Variants in HNRNPC observed in about 807,000 individuals in gnomAD.
HNRNPC encodes heterogeneous nuclear ribonucleoproteins C1/C2.
A neutral mutation model predicts 33.2 loss-of-function variants in HNRNPC; 3 were observed. The ratio of observed to expected loss-of-function variants is 0.09; its 90% CI spans 0.04 to 0.23. The LOEUF (loss-of-function observed/expected upper bound fraction) is 0.23. HNRNPC is among the 10% of genes least tolerant of loss of function. HNRNPC has a pLI of 1.00. For missense variants in HNRNPC, 143 were observed against 366.7 expected (o/e 0.39, Z 4.98); for synonymous variants, 121 against 126.7 (o/e 0.96, Z 0.30).
chr14:21,243,052 G>A (rs1486244237), intron 2 of HNRNPC, among the ~76,000 whole-genome samples: 1 of 152,130 alleles, frequency 6.6e-6, no homozygotes, highest in African/African-American at 2.4e-5. Context: ...TTGAACCCTA[G>A]AAGTGGAGGC....
In HNRNPC at chr14:21,210,685, T is replaced by C. The variant is rs1437136904; in HGVS notation, c.*538A>G. On this transcript the variant is annotated 3_prime_UTR_variant, in exon 9 of 9. Transcript: ENST00000553300. Reference sequence around the variant, plus strand: ...AATCTTAAGACTATAACACTAATTATTTTTCTAGAGGATGCATTTGACATG... The same window carrying C: ...AATCTTAAGACTATAACACTAATTACTTTTCTAGAGGATGCATTTGACATG... The C allele has an allele frequency of 2.6e-5, 4 of 152,718 alleles. No individual in the cohort carries two copies. Among genetic ancestry groups the C allele is most frequent in the Non-Finnish European group, 5.9e-5 (4 of 68,210 alleles). The allele number at this position is 152,718 out of a possible 1,614,324, so 9.5% of individuals were successfully genotyped here. A position where few individuals can be genotyped will look rare whatever the true frequency, so the allele number is the denominator to read the frequency against.
At chr14:21,248,050 C>A (rs1235733206) in intron 2 of HNRNPC, among the ~76,000 whole-genome samples, 1 of 151,814 alleles carries the variant, frequency 6.6e-6, no homozygotes, top group Non-Finnish European at 1.5e-5. Context: ...TATGACCGAA[C>A]CTTAAAATGA....
At chr14:21,217,707 A>G (rs1193358751) in intron 5 of HNRNPC, among the ~76,000 whole-genome samples, 3 of 152,206 alleles carry the variant, frequency 2.0e-5, no homozygotes, top group Non-Finnish European at 1.5e-5. Flanking sequence ...AAATATTAGT[A>G]TTTAGGGATA....
At chr14:21,233,614 G>A (rs1225206637) in intron 3 of HNRNPC, among the ~76,000 whole-genome samples, 1 of 152,094 alleles carries the variant, frequency 6.6e-6, no homozygotes, top group Non-Finnish European at 1.5e-5. Flanking sequence ...AAATCCCAAT[G>A]GGGAGACAAG....
At chr14:21,268,995 T>G (rs1406416880) in intron 1 of HNRNPC, among the ~76,000 whole-genome samples, 1 of 152,088 alleles carries the variant, frequency 6.6e-6, no homozygotes, top group African/African-American at 2.4e-5. Flanking sequence ...ATCACGATCT[T>G]CATTTTCATG....
intron 2 of HNRNPC, among the ~76,000 whole-genome samples, chr14:21,253,893 G>A (rs750366108): frequency 2.5e-4 from 38 of 151,542 alleles, no homozygotes; most frequent in African/African-American, 4.9e-4. Context: ...GTGAATCCCC[G>A]TCTCTACCAA....
intron 5 of HNRNPC, among the ~76,000 whole-genome samples, chr14:21,224,890 A>G (rs909156320): frequency 6.6e-6 from 1 of 152,170 alleles, no homozygotes; most frequent in Non-Finnish European, 1.5e-5. Context: ...GAGTAATAAC[A>G]GCACTCTGAA....
At chr14:21,241,651 T>C (rs1895357915) in intron 2 of HNRNPC, among the ~76,000 whole-genome samples, 1 of 152,226 alleles carries the variant, frequency 6.6e-6, no homozygotes, top group Non-Finnish European at 1.5e-5. Flanking sequence ...ACCATTTTTG[T>C]ACCCTGCTTC....
At chr14:21,216,647 CATA>C (rs1892226178) in intron 5 of HNRNPC, among the ~76,000 whole-genome samples, 2 of 152,092 alleles carry the variant, frequency 1.3e-5, no homozygotes, top group South Asian at 2.1e-4. Context: ...AGGCGGAGTT[CATA>C]ATGAGTCAAG....
In HNRNPC at chr14:21,212,941, A is replaced by C. The variant is rs992925410; in HGVS notation, c.523+19T>G. The C allele has an allele frequency of 4.3e-6, 7 of 1,613,162 alleles. No individual in the cohort carries two copies. Among genetic ancestry groups the C allele is most frequent in the Non-Finnish European group, 5.9e-6 (7 of 1,179,764 alleles). ...AAAACACAAGAGATACCAAAATCAC[A>C]AAATGAAATAATACATACACTTTCC... On this transcript the variant is annotated intron_variant, in intron 6 of 8. Transcript: ENST00000553300.
At chr14:21,221,498 TA>T (rs1444278380) in intron 5 of HNRNPC, among the ~76,000 whole-genome samples, 1 of 152,212 alleles carries the variant, frequency 6.6e-6, no homozygotes, top group African/African-American at 2.4e-5. Context: ...CAGAGTCCAG[TA>T]ATCTATAATT....
At chr14:21,235,865 C>T (rs1894642526) in intron 2 of HNRNPC, among the ~76,000 whole-genome samples, 1 of 151,908 alleles carries the variant, frequency 6.6e-6, no homozygotes, top group East Asian at 1.9e-4. Flanking sequence ...GAAGAAATTA[C>T]CAGGGGTGAG....
At chr14:21,247,582 T>C (rs936233074) in intron 2 of HNRNPC, among the ~76,000 whole-genome samples, 1 of 152,180 alleles carries the variant, frequency 6.6e-6, no homozygotes, top group Non-Finnish European at 1.5e-5. Context: ...CAACTGAGTA[T>C]GTTTAAAAAA....
At chr14:21,254,102 C>T (rs957153853) in intron 2 of HNRNPC, among the ~76,000 whole-genome samples, 7 of 126,194 alleles carry the variant, frequency 5.5e-5, no homozygotes, top group African/African-American at 1.6e-4. Context: ...CCCACCTCCC[C>T]GGCAAAAAAG....
In HNRNPC at chr14:21,226,331, A is replaced by C. The variant is rs77013504; in HGVS notation, c.365+3988T>G. On this transcript the variant is annotated intron_variant, in intron 5 of 8. Transcript: ENST00000553300. ...GCACGAGACTCGTTTCCAAAAGAAA[A>C]AAAAAAAAAAAAAAGAAAGAAAGAA... Among the ~76,000 whole-genome samples the C allele has an allele frequency of 2.2e-4, 32 of 144,656 alleles. 2 individuals are homozygous for C. Among genetic ancestry groups the C allele is most frequent in the African/African-American group, 7.8e-4 (29 of 37,168 alleles). 94.9% of individuals were successfully genotyped at this position (144,656 alleles called of 152,430 possible). A position where few individuals can be genotyped will look rare whatever the true frequency, so the allele number is the denominator to read the frequency against.
At chr14:21,211,988 C>T in intron 6 of HNRNPC, 65 bp from the exon 7 acceptor site, 2 of 1,237,678 alleles carry the variant, frequency 1.6e-6, no homozygotes, top group South Asian at 1.2e-5. Context: ...AGCAAATACA[C>T]TGCCACCAGA....
At chr14:21,230,396 T>C (rs773690174) in intron 4 of HNRNPC, 30 bp from the exon 5 acceptor site, 43 of 1,557,414 alleles carry the variant, frequency 2.8e-5, no homozygotes, top group Non-Finnish European at 3.8e-5. Flanking sequence ...AAGGGTTAAT[T>C]TGGAAATGTT....
At chr14:21,254,934 A>C (rs1440035789) in intron 2 of HNRNPC, among the ~76,000 whole-genome samples, 5 of 133,298 alleles carry the variant, frequency 3.8e-5, no homozygotes, top group African/African-American at 6.8e-5. Flanking sequence ...AAAAAAAAAC[A>C]AAAAAAAAAA....
At chr14:21,245,659 T>TAC (rs1173495948) in intron 2 of HNRNPC, among the ~76,000 whole-genome samples, 8 of 152,170 alleles carry the variant, frequency 5.3e-5, no homozygotes, top group African/African-American at 1.9e-4. Context: ...ATAAACATGG[T>TAC]ACACTTAAGG....
Sources: allele counts gnomAD v4.1 joint callset (sites outside exome capture counted in the v4.1 genomes callset), GRCh38; gene constraint gnomAD v4.1.1; transcripts MANE v1.5; gene names NCBI Gene and HGNC (gene_info 2026-07-23, HGNC 2026-07-21).